SSPN: variants seen among roughly 807,000 people sequenced by gnomAD.
SSPN encodes the protein sarcospan, also known as K-ras oncogene-associated protein.
Under a neutral mutation model 19.1 loss-of-function variants are expected in SSPN, and 15 were observed. That is an observed-to-expected ratio of 0.78 (90% CI 0.52 to 1.21). The LOEUF (loss-of-function observed/expected upper bound fraction) is 1.21, where lower values mean the gene tolerates loss of function less well. Ranked by LOEUF, SSPN falls within the 50% of genes most tolerant of loss-of-function variation. The pLI is 0.00. For synonymous variants in SSPN, 147 were observed against 140.3 expected (o/e 1.05, Z -0.34); for missense variants, 291 against 314.0 (o/e 0.93, Z 0.55).
intron 1 of SSPN, among the ~76,000 whole-genome samples, chr12:26,208,018 T>TCG (rs1555180104): frequency 7.4e-6 from 1 of 134,796 alleles, no homozygotes; most frequent in Non-Finnish European, 1.6e-5. Context: ...GTGGTGGTGG[T>TCG]GGGGGGGGGG....
At chr12:26,223,136 A>T (rs1019284639) in intron 1 of SSPN, among the ~76,000 whole-genome samples, 3 of 152,060 alleles carry the variant, frequency 2.0e-5, no homozygotes, top group African/African-American at 7.2e-5. Context: ...CTGCTCAGAA[A>T]TTTTCAAGGG....
chr12:26,147,391 C>T (rs1944499130), intron 1 of SSPN, among the ~76,000 whole-genome samples: 1 of 151,882 alleles, frequency 6.6e-6, no homozygotes, highest in African/African-American at 2.4e-5. Context: ...CCTGCCTCAG[C>T]CTCCTGAGTA....
chr12:26,145,866 G>A (rs17366851), intron 1 of SSPN, among the ~76,000 whole-genome samples: 40,606 of 152,076 alleles, frequency 0.27, 5,626 homozygotes, highest in South Asian at 0.37. Flanking sequence ...AACTCATGGT[G>A]CAGTTCACTG....
At position 26,232,519 on chromosome 12, in the gene SSPN, G is replaced by A. The variant is rs545839007; in HGVS notation, c.*1443G>A. The A allele has an allele frequency of 3.3e-4, 326 of 985,256 alleles. 4 individuals carry two copies. In the South Asian group the frequency reaches 0.011, roughly 32 times the overall value. The allele number at this position is 985,256 out of a possible 1,614,324, so 61.0% of individuals were successfully genotyped here. On this transcript the variant is annotated 3_prime_UTR_variant, in exon 3 of 3. Transcript: ENST00000242729. ...TTAAGATAATAATTGAGTTCAATTC[G>A]CCTCTCCGCATTGCCTATTGATACA...
At chr12:26,124,400 T>G in intron 1 of SSPN, 1 of 1,160,990 alleles carries the variant, frequency 8.6e-7, no homozygotes, top group Non-Finnish European at 1.3e-6. Context: ...CACTTAAAAT[T>G]CACAGTTGGG....
intron 1 of SSPN, among the ~76,000 whole-genome samples, chr12:26,218,500 A>T (rs1026209927): frequency 6.6e-6 from 1 of 151,782 alleles, no homozygotes; most frequent in Non-Finnish European, 1.5e-5. Flanking sequence ...AAAAAAAAAA[A>T]AGAAATGCAA....
intron 2 of SSPN, among the ~76,000 whole-genome samples, chr12:26,227,430 G>A (rs1036027878): frequency 6.6e-6 from 1 of 152,166 alleles, no homozygotes; most frequent in Non-Finnish European, 1.5e-5. Flanking sequence ...GAGAAGCTAA[G>A]GGGCATGGTT....
chr12:26,163,240 G>T (rs898200723), intron 1 of SSPN, among the ~76,000 whole-genome samples: 3 of 152,148 alleles, frequency 2.0e-5, no homozygotes, highest in African/African-American at 7.2e-5. Context: ...TGGGGAGTAA[G>T]ACACAATGTT....
intron 1 of SSPN, among the ~76,000 whole-genome samples, chr12:26,154,060 A>G (rs1024679284): frequency 6.6e-6 from 1 of 152,232 alleles, no homozygotes; most frequent in Non-Finnish European, 1.5e-5. Context: ...TAGTGGTTAC[A>G]TTTAGAGCAG....
chr12:26,187,453 C>A (rs1448483441), intron 1 of SSPN, among the ~76,000 whole-genome samples: 1 of 152,172 alleles, frequency 6.6e-6, no homozygotes, highest in African/African-American at 2.4e-5. Context: ...TTTTGATACA[C>A]CAGGAATTCA....
chr12:26,188,292 C>T (rs1327570255), intron 1 of SSPN, among the ~76,000 whole-genome samples: 1 of 152,010 alleles, frequency 6.6e-6, no homozygotes, highest in Non-Finnish European at 1.5e-5. Flanking sequence ...AAGAACACGA[C>T]CCACAAGGCT....
At chr12:26,122,709 G>A in intron 1 of SSPN, 1 of 1,581,432 alleles carries the variant, frequency 6.3e-7, no homozygotes, top group Non-Finnish European at 8.6e-7. Flanking sequence ...CTCCCCGGGA[G>A]GCTCCTGCTT....
chr12:26,123,287 T>A, intron 1 of SSPN: 1 of 1,307,084 alleles, frequency 7.7e-7, no homozygotes, highest in Non-Finnish European at 1.0e-6. Context: ...ATCTCGGTTT[T>A]TCCCCAGTAT....
chr12:26,163,740 G>A (rs1944603917), intron 1 of SSPN, among the ~76,000 whole-genome samples: 1 of 152,162 alleles, frequency 6.6e-6, no homozygotes, highest in South Asian at 2.1e-4. Context: ...AGTAAATTAA[G>A]TTTCAACATG....
intron 1 of SSPN, chr12:26,123,594 T>C (rs1384735378): frequency 1.4e-6 from 2 of 1,468,418 alleles, no homozygotes; most frequent in Non-Finnish European, 9.5e-7. Context: ...CTGCCCCGCT[T>C]CATCAGGGTA....
intron 1 of SSPN, among the ~76,000 whole-genome samples, chr12:26,143,002 C>T (rs879825681): frequency 1.3e-5 from 2 of 152,150 alleles, no homozygotes; most frequent in Non-Finnish European, 2.9e-5. Context: ...ATTTTTTACA[C>T]TGGTCTAATT....
chr12:26,208,456 T>G (rs1246756056), intron 1 of SSPN, among the ~76,000 whole-genome samples: 4 of 152,202 alleles, frequency 2.6e-5, no homozygotes, highest in Non-Finnish European at 4.4e-5. Flanking sequence ...TTCTTATTTA[T>G]TTATAGGATT....
chr12:26,214,751 T>C (rs1945027943), intron 1 of SSPN: 1 of 152,122 alleles, frequency 6.6e-6, no homozygotes, highest in African/African-American at 2.4e-5. Context: ...AAAGAGTACA[T>C]TTTGTGTTCC....
intron 1 of SSPN, among the ~76,000 whole-genome samples, chr12:26,146,309 C>T (rs961477578): frequency 6.6e-6 from 1 of 152,150 alleles, no homozygotes; most frequent in Non-Finnish European, 1.5e-5. Context: ...ACACTAGATA[C>T]CCATGTTCTT....
Sources: allele counts gnomAD v4.1 joint callset (sites outside exome capture counted in the v4.1 genomes callset), GRCh38; gene constraint gnomAD v4.1.1; transcripts MANE v1.5; gene names NCBI Gene and HGNC (gene_info 2026-07-23, HGNC 2026-07-21).